The following GRHL1 variants were observed in gnomAD, a reference collection of about 807,000 sequenced individuals.
GRHL1 encodes the protein grainyhead like transcription factor 1.
GRHL1 carries 38 observed loss-of-function variants against 75.7 expected under a neutral mutation model. That is an observed-to-expected ratio of 0.50 (90% confidence interval 0.39 to 0.66). The LOEUF (loss-of-function observed/expected upper bound fraction) is 0.66. GRHL1 is among the 30% of genes least tolerant of loss of function. The pLI, the probability that GRHL1 is intolerant of heterozygous loss-of-function variation, is 0.00. For missense variants in GRHL1, 589 were observed against 767.5 expected, an observed-to-expected ratio of 0.77 and a Z score of 2.75; for synonymous variants, 266 against 279.4, an observed-to-expected ratio of 0.95 and a Z score of 0.48.
In GRHL1 at chr2:9,951,737, A is replaced by G; in HGVS notation, c.-97A>G. ...CAACCCGTCGGGGCCGCCGCTCCGG[A>G]CCCGCAGCCGCCGCCGCCGCCTCCT... On this transcript the variant is annotated 5_prime_UTR_variant, in exon 1 of 16. Transcript: ENST00000324907. The surrounding 1 kb of genome is among the most constrained non-coding windows in gnomAD (Gnocchi z 4.2). The G allele has an allele frequency of 8.5e-7, 1 of 1,178,602 alleles. No homozygotes were observed. The allele number at this position is 1,178,602 out of a possible 1,614,324, so 73.0% of individuals were successfully genotyped here. A position where few individuals can be genotyped will look rare whatever the true frequency, so the allele number is the denominator to read the frequency against.
At position 10,001,045 on chromosome 2, in the gene GRHL1, C is replaced by T. The variant is rs76304687; in HGVS notation, c.*338C>T. 2,567 of 169,556 alleles carry T rather than the reference C, an allele frequency of 0.015. 30 individuals are homozygous for T. The highest frequency in any genetic ancestry group is 0.041 in the Middle Eastern group (16 of 394). The allele number at this position is 169,556 out of a possible 1,614,324, so 10.5% of individuals were successfully genotyped here. Reference sequence around the variant, plus strand: ...ACGTTATTTATCAAAATATTGGGATCTCTGCCTTGTGCCTACAGTGTCGTG... The same window carrying T: ...ACGTTATTTATCAAAATATTGGGATTTCTGCCTTGTGCCTACAGTGTCGTG... On this transcript the variant is annotated 3_prime_UTR_variant, in exon 16 of 16. Coordinates refer to ENST00000324907, the MANE Select transcript of GRHL1 (RefSeq NM_198182.3).
chr2:9,954,761 ACGTGG>A, intron 1 of GRHL1, 149 bp from the exon 2 acceptor site: 2 of 707,976 alleles, frequency 2.8e-6, no homozygotes, highest in Admixed American at 4.2e-5. Context: ...GTCTGCACTT[ACGTGG>A]TTTGTCTTCT....
chr2:9,992,006 G>A lies in GRHL1; in HGVS notation c.1322-1G>A. 1 of 1,545,794 alleles carries A rather than the reference G, an allele frequency of 6.5e-7. No homozygotes were observed. The highest frequency in any genetic ancestry group is 1.2e-5 in the South Asian group (1 of 82,104). On this transcript the variant is annotated splice_acceptor_variant, in intron 10 of 15. Transcript: ENST00000324907. LOFTEE classifies it high-confidence loss of function. The surrounding 1 kb of genome is among the most constrained non-coding windows in gnomAD (Gnocchi z 4.6). The stretch of plus-strand genomic sequence containing the variant: ...TCTTTTTTAATTTTTTTTTTTTTCA[G>A]TTTCTGATGTTAAAGTGCCACTGCT...
At chr2:9,970,032 A>G (rs1175985998) in intron 8 of GRHL1, among the ~76,000 whole-genome samples, 1 of 151,816 alleles carries the variant, frequency 6.6e-6, no homozygotes, top group Non-Finnish European at 1.5e-5. Context: ...TTTAGTAGAG[A>G]CGGGGTTTCA....
chr2:9,960,463 A>G (rs564102843), intron 3 of GRHL1: 1 of 152,356 alleles, frequency 6.6e-6, no homozygotes, highest in East Asian at 1.9e-4. Context: ...ATTAAAAAAA[A>G]AAAAAGGAGA....
At chr2:9,981,137 A>G (rs1668181047) in intron 8 of GRHL1, among the ~76,000 whole-genome samples, 1 of 152,244 alleles carries the variant, frequency 6.6e-6, no homozygotes, top group South Asian at 2.1e-4. Flanking sequence ...CCATATGTGT[A>G]TGCCAGCAGC....
rs1287745759 is a variant in GRHL1, at chr2:9,961,353, A to G, written c.586A>G (p.Ser196Gly). The G allele has an allele frequency of 3.7e-6, 6 of 1,614,060 alleles. No homozygotes were observed. Among genetic ancestry groups the G allele is most frequent in the Non-Finnish European group, 4.2e-6 (5 of 1,179,994 alleles). The part of the protein sequence containing the change: ...FDRNLNTDQF[S>G]SGAQAPNAQR... ...TCGGAATCTCAATACTGACCAGTTC[A>G]GCTCTGGTGCTCAAGCCCCAAATGC... Residue 196 changes from serine (S) to glycine (G), a missense_variant, in exon 4 of 16, where the codon AGC becomes GGC. By Grantham distance (56) the Ser-to-Gly change is moderately conservative. Around this residue, in one of 5 missense-constraint regions of GRHL1, gnomAD observed 362 missense variants for 461.8 expected, o/e 0.78. Transcript: ENST00000324907.
chr2:9,985,994 TA>T, intron 8 of GRHL1, 129 bp from the exon 9 acceptor site: 1 of 662,154 alleles, frequency 1.5e-6, no homozygotes, highest in Non-Finnish European at 2.4e-6. Context: ...AACCCTTTTT[TA>T]AAAAATGAGA....
chr2:9,963,085 T>C (rs1291767410), intron 5 of GRHL1, among the ~76,000 whole-genome samples: 5 of 152,250 alleles, frequency 3.3e-5, no homozygotes, highest in African/African-American at 4.8e-5. Context: ...TTTTACAGTT[T>C]TAAAAGTGTC....
At chr2:9,993,683 C>T (rs1006202259) in intron 12 of GRHL1, among the ~76,000 whole-genome samples, 7 of 152,192 alleles carry the variant, frequency 4.6e-5, no homozygotes, top group Non-Finnish European at 5.9e-5. Context: ...CCAGGCCTGG[C>T]AGGGATGTCA....
intron 1 of GRHL1, among the ~76,000 whole-genome samples, chr2:9,953,841 A>G (rs544373305): frequency 6.6e-6 from 1 of 152,286 alleles, no homozygotes; most frequent in East Asian, 1.9e-4. Context: ...CAGTCCTTCA[A>G]TTTGCTTGTT....
chr2:9,984,936 C>T (rs186931740), intron 8 of GRHL1, among the ~76,000 whole-genome samples: 30 of 150,986 alleles, frequency 2.0e-4, no homozygotes, highest in Non-Finnish European at 3.1e-4. Context: ...GGCGTGGTGG[C>T]GCACACCTGT....
intron 8 of GRHL1, among the ~76,000 whole-genome samples, chr2:9,981,542 G>A (rs1393831658): frequency 2.0e-5 from 3 of 152,198 alleles, no homozygotes; most frequent in Non-Finnish European, 4.4e-5. Flanking sequence ...AAGTTTTATC[G>A]AAACACGACC....
In GRHL1 at chr2:9,990,929, C is replaced by CG. The variant is rs1050598201; in HGVS notation, c.1321+185dup. The stretch of plus-strand genomic sequence containing the variant: ...AGATCAGCAGCAGATGCCAGCTCAG[C>CG]GGGAGGGGTTTTCCTGGGGACTACA... On this transcript the variant is annotated intron_variant, in intron 10 of 15. Coordinates refer to ENST00000324907, the MANE Select transcript of GRHL1 (RefSeq NM_198182.3). This position sits in a 1 kb window ranked among gnomAD's most constrained non-coding sequence, Gnocchi z 4.2. 1.1e-4 allele frequency among the ~76,000 whole-genome samples: 15 copies of CG among 139,536 alleles called. No homozygotes were observed. The South Asian group carries it at 1.3e-3, about 12-fold the overall frequency. The allele number at this position is 139,536 out of a possible 152,430, so 91.5% of individuals were successfully genotyped here.
At chr2:9,961,515 A>G (rs1558292915) in intron 4 of GRHL1, 79 bp downstream of exon 4, 4 of 1,342,496 alleles carry the variant, frequency 3.0e-6, no homozygotes, top group Non-Finnish European at 4.1e-6. Context: ...TTGTTATGTA[A>G]GCATGAAACT....
In GRHL1 at chr2:9,990,380, AC is replaced by A. The variant is rs1668589310; in HGVS notation, c.1270-314del. ...TGGCCAGGCTGGTCTCGAACTCCTG[AC>A]CTCAAATGATCCACCCACCTCGGCC... On this transcript the variant is annotated intron_variant, in intron 9 of 15. Transcript: ENST00000324907. This position sits in a 1 kb window ranked among gnomAD's most constrained non-coding sequence, Gnocchi z 4.2. Among the ~76,000 whole-genome samples the A allele has an allele frequency of 6.6e-6, 1 of 151,092 alleles. No homozygotes were observed. Among genetic ancestry groups the A allele is most frequent in the African/African-American group, 2.4e-5 (1 of 41,042 alleles).
At position 9,968,658 on chromosome 2, in the gene GRHL1, T is replaced by C. The variant is rs546092513; in HGVS notation, c.1110+3277T>C. Among the ~76,000 whole-genome samples the C allele has an allele frequency of 2.4e-4, 37 of 152,250 alleles. No homozygotes were observed. The highest frequency in any genetic ancestry group is 1.1e-3 in the Admixed American group (17 of 15,294). ...GAAGTTTAGGATTTGCAGGACAAGA[T>C]GAGGGCACTGGTCTCCTGCAGAAGA... On this transcript the variant is annotated intron_variant, in intron 8 of 15. Coordinates refer to ENST00000324907, the MANE Select transcript of GRHL1 (RefSeq NM_198182.3). This position sits in a 1 kb window ranked among gnomAD's most constrained non-coding sequence, Gnocchi z 4.7.
intron 3 of GRHL1, chr2:9,959,071 G>A (rs550498663): frequency 2.1e-6 from 1 of 474,246 alleles, no homozygotes; most frequent in Admixed American, 4.0e-5. Context: ...TTTCTAGGAT[G>A]AAAGCACTAA....
At position 9,993,189 on chromosome 2, in the gene GRHL1, C is replaced by G; in HGVS notation, c.1462-18C>G. The G allele has an allele frequency of 6.3e-7, 1 of 1,576,702 alleles. No individual in the cohort carries two copies. The highest frequency in any genetic ancestry group is 8.7e-7 in the Non-Finnish European group (1 of 1,145,856). On this transcript the variant is annotated intron_variant, in intron 11 of 15. Coordinates refer to ENST00000324907, the MANE Select transcript of GRHL1 (RefSeq NM_198182.3). ...TTTGAGCATACATTTGAAAAGCAAT[C>G]TATTCCTTTGGTCTTAGGTCCTTCC...
Sources: allele counts gnomAD v4.1 joint callset (sites outside exome capture counted in the v4.1 genomes callset), GRCh38; gene constraint gnomAD v4.1.1; regional missense constraint gnomAD v4.1.1; non-coding constraint Gnocchi (gnomAD v3.1); transcripts MANE v1.5; gene names NCBI Gene and HGNC (gene_info 2026-07-23, HGNC 2026-07-21).